The following MECOM variants were observed in gnomAD, a reference collection of about 807,000 sequenced individuals.
MECOM encodes MDS1 and EVI1 complex locus, also known as histone-lysine N-methyltransferase MECOM.
Under a neutral mutation model 116.3 loss-of-function variants are expected in MECOM, and 13 were observed. The ratio of observed to expected loss-of-function variants is 0.11; its 90% CI spans 0.07 to 0.18. MECOM has a LOEUF of 0.18. Ranked by LOEUF, MECOM falls within the 10% of genes least tolerant of loss-of-function variation. MECOM has a pLI of 1.00. For missense variants in MECOM, 1,299 were observed against 1,509.0 expected (o/e 0.86, Z 2.31); for synonymous variants, 528 against 535.2 (o/e 0.99, Z 0.19).
At chr3:169,100,983 T>C in intron 11 of MECOM, 21 bp from the exon 12 acceptor site, 4 of 1,586,010 alleles carry the variant, frequency 2.5e-6, no homozygotes, top group Non-Finnish European at 3.5e-6. Flanking sequence ...AAGATGTTTA[T>C]AAGAGAAAGT....
At chr3:169,606,375 C>T (rs1332789707) in intron 1 of MECOM, among the ~76,000 whole-genome samples, 1 of 148,076 alleles carries the variant, frequency 6.8e-6, no homozygotes, top group African/African-American at 2.5e-5. Flanking sequence ...ATCACACCTG[C>T]ACTTCAGCCT....
intron 1 of MECOM, among the ~76,000 whole-genome samples, chr3:169,401,576 G>A (rs1735912262): frequency 6.6e-6 from 1 of 152,162 alleles, no homozygotes; most frequent in South Asian, 2.1e-4. Flanking sequence ...AAGGTTCAGT[G>A]GAGAGAGGGA....
chr3:169,144,691 A>G (rs1354482788), intron 2 of MECOM, among the ~76,000 whole-genome samples: 1 of 152,174 alleles, frequency 6.6e-6, no homozygotes, highest in East Asian at 1.9e-4. Flanking sequence ...AGCTATTCTG[A>G]TTCACTAACA....
chr3:169,216,888 G>A (rs1367128572), intron 2 of MECOM, among the ~76,000 whole-genome samples: 1 of 141,668 alleles, frequency 7.1e-6, no homozygotes, highest in Admixed American at 7.3e-5. Context: ...AGCTATCGCC[G>A]TGGCCACCAT....
At chr3:169,101,056 T>A in intron 11 of MECOM, 94 bp from the exon 12 acceptor site, 1 of 709,168 alleles carries the variant, frequency 1.4e-6, no homozygotes, top group South Asian at 2.8e-5. Context: ...CCTGATTCAA[T>A]TAATCTTGCA....
intron 2 of MECOM, among the ~76,000 whole-genome samples, chr3:169,271,287 C>T (rs571955286): frequency 3.3e-5 from 5 of 152,190 alleles, no homozygotes; most frequent in Non-Finnish European, 7.3e-5. Flanking sequence ...CACGTCTTCA[C>T]ATCATGAAGC....
intron 2 of MECOM, among the ~76,000 whole-genome samples, chr3:169,207,692 G>A (rs1377660503): frequency 2.6e-5 from 4 of 152,108 alleles, no homozygotes; most frequent in African/African-American, 9.7e-5. Flanking sequence ...GGTATTGGTG[G>A]TTTTTCCTGA....
At chr3:169,218,548 A>G (rs949667499) in intron 2 of MECOM, among the ~76,000 whole-genome samples, 2 of 152,168 alleles carry the variant, frequency 1.3e-5, no homozygotes, top group African/African-American at 2.4e-5. Flanking sequence ...AGTGCTATGC[A>G]TCCAGGGTGA....
chr3:169,480,480 T>A (rs1047846034), intron 1 of MECOM, among the ~76,000 whole-genome samples: 2 of 152,124 alleles, frequency 1.3e-5, no homozygotes, highest in African/African-American at 4.8e-5. Flanking sequence ...CTGCCATTCC[T>A]CTCCTTCTCT....
chr3:169,552,841 A>G (rs1038267832), intron 1 of MECOM, among the ~76,000 whole-genome samples: 7 of 141,244 alleles, frequency 5.0e-5, no homozygotes, highest in Non-Finnish European at 9.0e-5. Context: ...GGGCGGTGCC[A>G]TCCCTAAGTC....
chr3:169,205,216 CA>C (rs762496640), intron 2 of MECOM, among the ~76,000 whole-genome samples: 1 of 152,144 alleles, frequency 6.6e-6, no homozygotes, highest in African/African-American at 2.4e-5. Context: ...ATAAACCCCT[CA>C]AAAACAGGGT....
At chr3:169,098,531 T>C (rs1722477071) in intron 12 of MECOM, among the ~76,000 whole-genome samples, 1 of 152,202 alleles carries the variant, frequency 6.6e-6, no homozygotes, top group African/African-American at 2.4e-5. Context: ...ACTTCTGGCA[T>C]TGTTAACCCT....
At chr3:169,265,819 A>G (rs769356143) in intron 2 of MECOM, among the ~76,000 whole-genome samples, 156 of 152,330 alleles carry the variant, frequency 1.0e-3, no homozygotes, top group Middle Eastern at 6.8e-3. Flanking sequence ...TCCCTTCGCT[A>G]GGACCTCTGT....
At chr3:169,389,096 A>AT (rs1321297180) in intron 1 of MECOM, among the ~76,000 whole-genome samples, 15 of 152,298 alleles carry the variant, frequency 9.8e-5, no homozygotes, top group African/African-American at 3.4e-4. Flanking sequence ...TGGTTAAGAG[A>AT]TTTTCCACTC....
intron 4 of MECOM, among the ~76,000 whole-genome samples, chr3:169,129,887 T>C (rs1365700246): frequency 1.3e-5 from 2 of 152,184 alleles, no homozygotes; most frequent in East Asian, 1.9e-4. Context: ...ACAGGTTCTA[T>C]GCATAAAAGA....
intron 1 of MECOM, among the ~76,000 whole-genome samples, chr3:169,563,120 G>A (rs1473154228): frequency 6.6e-6 from 1 of 151,950 alleles, no homozygotes; most frequent in Non-Finnish European, 1.5e-5. Flanking sequence ...GCTTTGAAAG[G>A]GGTCACATTC....
chr3:169,624,076 A>G lies in MECOM; in HGVS notation c.37+39260T>C, dbSNP rs373248196. 15 of 152,348 alleles carry G rather than the reference A, an allele frequency of 9.8e-5. No homozygotes were observed. In the East Asian group the frequency reaches 1.7e-3, roughly 18 times the overall value. 9.4% of individuals were successfully genotyped at this position (152,348 alleles called of 1,614,324 possible). ...ATTATGTGCCTGACCTTTAACGGTC[A>G]TCAAATCAAAGTCATTCTGGTCAGT... On this transcript the variant is annotated intron_variant, in intron 1 of 16. Coordinates refer to ENST00000651503, the MANE Select transcript of MECOM (RefSeq NM_004991.4).
At chr3:169,507,862 G>A (rs576615270) in intron 1 of MECOM, among the ~76,000 whole-genome samples, 95 of 150,444 alleles carry the variant, frequency 6.3e-4, no homozygotes, top group Middle Eastern at 3.5e-3. Flanking sequence ...GGGTTTCACC[G>A]TGTTAGCCAG....
chr3:169,248,456 A>G lies in MECOM; in HGVS notation c.376-104624T>C, dbSNP rs1755855972. The stretch of plus-strand genomic sequence containing the variant: ...ACAAATTCTTAGTCTAAGTCTCTAT[A>G]CATGGTATAACATGTTCAGGGATGC... On this transcript the variant is annotated intron_variant, in intron 2 of 16. Transcript: ENST00000651503. Among the ~76,000 whole-genome samples the G allele has an allele frequency of 2.6e-5, 4 of 152,230 alleles. No individual in the cohort carries two copies. In the South Asian group the frequency reaches 8.3e-4, roughly 31 times the overall value.
Sources: gnomAD v4.1 joint callset for allele counts (sites outside exome capture counted in the v4.1 genomes callset) on GRCh38, gnomAD v4.1.1 for gene constraint, MANE v1.5 for transcripts, NCBI Gene and HGNC (gene_info 2026-07-23, HGNC 2026-07-21) for gene names.